GUCY2F: variants seen among roughly 807,000 people sequenced by gnomAD.
The protein encoded by GUCY2F is guanylate cyclase 2F, retinal, also known as retinal guanylyl cyclase 2.
GUCY2F carries 61 observed loss-of-function variants against 73.1 expected under a neutral mutation model. The ratio of observed to expected loss-of-function variants is 0.83; its 90% CI spans 0.68 to 1.03. The LOEUF (loss-of-function observed/expected upper bound fraction) is 1.03, where lower values mean the gene tolerates loss of function less well. Ranked by LOEUF, GUCY2F falls within the 50% of genes least tolerant of loss-of-function variation. GUCY2F has a pLI of 0.00. For synonymous variants in GUCY2F, 331 were observed against 307.8 expected, an observed-to-expected ratio of 1.08 and a Z score of -0.79; for missense variants, 912 against 854.3, an observed-to-expected ratio of 1.07 and a Z score of -0.84.
chrX:109,467,306 G>A (rs1026060676), intron 2 of GUCY2F, among the ~76,000 whole-genome samples: 2 of 111,954 alleles, frequency 1.8e-5, no homozygotes, highest in African/African-American at 3.2e-5. Flanking sequence ...CCATTGAGGC[G>A]GGGAAAATGA....
intron 3 of GUCY2F, among the ~76,000 whole-genome samples, chrX:109,462,570 T>C (rs1452519846): frequency 6.3e-5 from 7 of 110,490 alleles, no homozygotes; most frequent in African/African-American, 1.7e-4. Context: ...ACCAAGCTAA[T>C]GGCGTCTTTT....
At position 109,477,594 on chromosome X, in the gene GUCY2F, A is replaced by T. The variant is rs375940266; in HGVS notation, c.-85-1573T>A. On this transcript the variant is annotated intron_variant, in intron 1 of 19. Coordinates refer to ENST00000218006, the MANE Select transcript of GUCY2F (RefSeq NM_001522.3). Reference sequence around the variant, plus strand: ...GTAAAGAAAGAAGACAAAGGACAAAACCCTGAGACCCCACAACACTTAAAG... The same window carrying T: ...GTAAAGAAAGAAGACAAAGGACAAATCCCTGAGACCCCACAACACTTAAAG... Among the ~76,000 whole-genome samples the T allele has an allele frequency of 1.8e-4, 20 of 112,595 alleles. 3 individuals are homozygous for T. The highest frequency in any genetic ancestry group is 1.7e-3 in the East Asian group (6 of 3,583).
chrX:109,426,383 A>G (rs1390569868), intron 8 of GUCY2F, among the ~76,000 whole-genome samples: 2 of 111,193 alleles, frequency 1.8e-5, no homozygotes, highest in East Asian at 5.7e-4. Flanking sequence ...TGGGAGGTGA[A>G]GCATTTTCTT....
At chrX:109,477,445 G>A (rs1329402569) in intron 1 of GUCY2F, among the ~76,000 whole-genome samples, 1 of 111,680 alleles carries the variant, frequency 9.0e-6, no homozygotes, top group Non-Finnish European at 1.9e-5. Context: ...ACATACTGGA[G>A]GGCCTAGGAA....
chrX:109,465,172 A>G lies in GUCY2F; in HGVS notation c.1002T>C (p.Gly334=), dbSNP rs1407275068. Residue 334 remains glycine (G), a synonymous_variant, in exon 3 of 20, where the codon GGT becomes GGC. Transcript: ENST00000218006. ...CGAACTCCAGCTTCTCAGGAATTTCACCTCTTGCTGCTGCCTCTGTGAAGG... is the reference window on the plus strand; with the variant it reads ...CGAACTCCAGCTTCTCAGGAATTTCGCCTCTTGCTGCTGCCTCTGTGAAGG... ...YQAFTEAAAR[G]EIPEKLEFDQ... The G allele has an allele frequency of 9.9e-6, 12 of 1,209,163 alleles. No individual in the cohort carries two copies. The highest frequency in any genetic ancestry group is 1.8e-5 in the South Asian group (1 of 56,803).
At chrX:109,424,745 T>C (rs180869286) in intron 8 of GUCY2F, among the ~76,000 whole-genome samples, 2 of 109,849 alleles carry the variant, frequency 1.8e-5, no homozygotes, top group East Asian at 5.7e-4. Context: ...TAGATGTTGG[T>C]GTGGATGTAG....
intron 8 of GUCY2F, among the ~76,000 whole-genome samples, chrX:109,420,836 T>C (rs150694572): frequency 0.011 from 1,218 of 111,881 alleles, 7 homozygotes; most frequent in Non-Finnish European, 0.017. Context: ...AACTGGAATA[T>C]TTCCGATGGA....
rs753833570 is a variant in GUCY2F at position 109,476,766 on chromosome X, A to T, written c.-85-745T>A. Reference sequence around the variant, plus strand: ...GATAGATAGATAGATAGATAGATAGATAGATAGACAGACTATATATATATG... The same window carrying T: ...GATAGATAGATAGATAGATAGATAGTTAGATAGACAGACTATATATATATG... On this transcript the variant is annotated intron_variant, in intron 1 of 19. Transcript: ENST00000218006. Among the ~76,000 whole-genome samples the T allele has an allele frequency of 8.5e-4, 91 of 107,429 alleles. 1 individual carries two copies. The highest frequency in any genetic ancestry group is 3.3e-3 in the African/African-American group (90 of 27,601). The allele number at this position is 107,429 out of a possible 115,157, so 93.3% of individuals were successfully genotyped here.
intron 10 of GUCY2F, among the ~76,000 whole-genome samples, chrX:109,400,478 A>G (rs1216495448): frequency 5.4e-5 from 6 of 112,042 alleles, no homozygotes; most frequent in Non-Finnish European, 1.9e-5. Flanking sequence ...ACAAAGTCCT[A>G]TGAAATAGGA....
At chrX:109,476,227 CT>C (rs61266751) in intron 1 of GUCY2F, among the ~76,000 whole-genome samples, 5,265 of 111,245 alleles carry the variant, frequency 0.047, 347 homozygotes, top group African/African-American at 0.16. Flanking sequence ...CCACTTGCTT[CT>C]TTCAGAAAAC....
At chrX:109,425,303 G>T (rs933111027) in intron 8 of GUCY2F, among the ~76,000 whole-genome samples, 4 of 109,291 alleles carry the variant, frequency 3.7e-5, no homozygotes, top group Non-Finnish European at 7.6e-5. Flanking sequence ...CAGCCCAAAT[G>T]CCCATCAATC....
intron 15 of GUCY2F, among the ~76,000 whole-genome samples, chrX:109,387,361 TAAG>T (rs1043944066): frequency 2.7e-5 from 3 of 112,056 alleles, no homozygotes; most frequent in Non-Finnish European, 5.6e-5. Flanking sequence ...AGAATAAATA[TAAG>T]AAGAGCAGGA....
At chrX:109,383,594 A>G (rs1424506974) in intron 16 of GUCY2F, 2 of 123,524 alleles carry the variant, frequency 1.6e-5, no homozygotes. Flanking sequence ...GGTCATAGTC[A>G]TTAGCTTTTA....
At chrX:109,386,954 G>GA (rs1216897932) in intron 15 of GUCY2F, among the ~76,000 whole-genome samples, 4 of 111,854 alleles carry the variant, frequency 3.6e-5, no homozygotes, top group Non-Finnish European at 7.5e-5. Context: ...TTCTCTAAAA[G>GA]AAAAAATCAA....
intron 17 of GUCY2F, among the ~76,000 whole-genome samples, chrX:109,380,624 A>G (rs1029855967): frequency 3.0e-4 from 33 of 111,459 alleles, no homozygotes; most frequent in African/African-American, 1.1e-3. Flanking sequence ...TCTTCTTCCA[A>G]CTTGCTGTGA....
chrX:109,452,325 ACAATAACAAAT>A (rs758110069), intron 4 of GUCY2F, among the ~76,000 whole-genome samples: 260 of 112,179 alleles, frequency 2.3e-3, no homozygotes, highest in African/African-American at 7.9e-3. Flanking sequence ...AACCACTCTG[ACAATAACAAAT>A]CACATGAATT....
chrX:109,436,799 T>G (rs1378457789), intron 7 of GUCY2F, among the ~76,000 whole-genome samples: 43 of 86,627 alleles, frequency 5.0e-4, no homozygotes, highest in African/African-American at 9.4e-4. Flanking sequence ...GTGGGGGGAG[T>G]GGGGAGGGAT....
At chrX:109,481,258 T>C (rs1932764128) in intron 1 of GUCY2F, among the ~76,000 whole-genome samples, 1 of 112,085 alleles carries the variant, frequency 8.9e-6, no homozygotes, top group Non-Finnish European at 1.9e-5. Context: ...AGTTTGAAGG[T>C]ATGAAATTTT....
intron 3 of GUCY2F, 40 bp from the exon 4 acceptor site, chrX:109,453,899 C>T (rs369160638): frequency 1.1e-4 from 88 of 783,534 alleles, no homozygotes; most frequent in Admixed American, 4.4e-4. Flanking sequence ...CCCTGGTCGC[C>T]CTAGAGCGAT....
Sources: allele counts gnomAD v4.1 joint callset (sites outside exome capture counted in the v4.1 genomes callset), GRCh38; gene constraint gnomAD v4.1.1; transcripts MANE v1.5; gene names NCBI Gene and HGNC (gene_info 2026-07-23, HGNC 2026-07-21).